The following DNAH9 variants were observed in gnomAD, a reference collection of about 807,000 sequenced individuals.
DNAH9 encodes DNAH9 variant protein.
Under a neutral mutation model 471.6 loss-of-function variants are expected in DNAH9, and 345 were observed. That is an observed-to-expected ratio of 0.73 (90% CI 0.67 to 0.80). The LOEUF (loss-of-function observed/expected upper bound fraction) is 0.80, where lower values mean the gene tolerates loss of function less well. Among genes scored for constraint, DNAH9 ranks in the 30% least tolerant of loss-of-function variants. DNAH9 has a pLI of 0.00. For synonymous variants in DNAH9, 2,093 were observed against 2,123.6 expected, an observed-to-expected ratio of 0.99 and a Z score of 0.40; for missense variants, 5,407 against 5,609.2, an observed-to-expected ratio of 0.96 and a Z score of 1.15.
intron 6 of DNAH9, 52 bp downstream of exon 6, chr17:11,619,833 C>A (rs143233188): frequency 2.8e-6 from 3 of 1,062,034 alleles, no homozygotes; most frequent in African/African-American, 1.6e-5. Flanking sequence ...AAGAAGCAGT[C>A]CAGGGGTCCA....
At chr17:11,789,776 TATATC>T (rs1307574548) in intron 41 of DNAH9, among the ~76,000 whole-genome samples, 1 of 152,040 alleles carries the variant, frequency 6.6e-6, no homozygotes, top group East Asian at 1.9e-4. Context: ...CATGGCTACT[TATATC>T]ATTAATTGTC....
rs1216589054 is a variant in DNAH9, at chr17:11,704,578, C to T, written c.5391+136C>T. On this transcript the variant is annotated intron_variant, in intron 25 of 68. Coordinates refer to ENST00000262442, the MANE Select transcript of DNAH9 (RefSeq NM_001372.4). ...CTGGGGGAGGATCACAGTGGCTGCTCCTACTTTTTTTTTTTTTTTTTTGAG... is the reference window on the plus strand; with the variant it reads ...CTGGGGGAGGATCACAGTGGCTGCTTCTACTTTTTTTTTTTTTTTTTTGAG... 12 of 746,046 alleles carry T rather than the reference C, an allele frequency of 1.6e-5. No individual in the cohort carries two copies. The African/African-American group carries it at 2.0e-4, about 12-fold the overall frequency. The allele number at this position is 746,046 out of a possible 1,614,324, so 46.2% of individuals were successfully genotyped here.
intron 15 of DNAH9, among the ~76,000 whole-genome samples, chr17:11,667,631 G>A (rs1398180837): frequency 3.3e-5 from 5 of 152,242 alleles, no homozygotes; most frequent in African/African-American, 1.2e-4. Flanking sequence ...AAAGGTGAGT[G>A]TTCCAGTCTT....
intron 9 of DNAH9, among the ~76,000 whole-genome samples, chr17:11,638,218 T>A (rs1271301741): frequency 6.6e-6 from 1 of 152,184 alleles, no homozygotes; most frequent in Non-Finnish European, 1.5e-5. Flanking sequence ...TTGCCTCCAC[T>A]TGGAAGTCAT....
chr17:11,671,433 C>T (rs2073970987), intron 17 of DNAH9, among the ~76,000 whole-genome samples: 1 of 152,102 alleles, frequency 6.6e-6, no homozygotes, highest in Admixed American at 6.6e-5. Context: ...CAGGCAGGAG[C>T]CTTTGTTGTG....
At chr17:11,615,498 T>C (rs752960091) in intron 4 of DNAH9, among the ~76,000 whole-genome samples, 1 of 151,514 alleles carries the variant, frequency 6.6e-6, no homozygotes, top group East Asian at 2.0e-4. Flanking sequence ...GGCAGGAGAA[T>C]AGACTAAACC....
chr17:11,938,407 C>G (rs1238733129), intron 66 of DNAH9, among the ~76,000 whole-genome samples: 1 of 147,862 alleles, frequency 6.8e-6, no homozygotes, highest in African/African-American at 2.5e-5. Context: ...TGCAGTGAGC[C>G]AAGACCGTGC....
At chr17:11,633,255 CATG>C (rs2073102060) in intron 8 of DNAH9, among the ~76,000 whole-genome samples, 1 of 152,144 alleles carries the variant, frequency 6.6e-6, no homozygotes, top group African/African-American at 2.4e-5. Context: ...CTCAGTGGAG[CATG>C]ATATGTGTTC....
intron 49 of DNAH9, among the ~76,000 whole-genome samples, chr17:11,838,127 T>G (rs1338082384): frequency 1.3e-5 from 2 of 152,214 alleles, no homozygotes; most frequent in African/African-American, 4.8e-5. Flanking sequence ...ATAACCATAA[T>G]GGGGAGAGGG....
At chr17:11,901,157 G>C (rs1190798354) in intron 59 of DNAH9, among the ~76,000 whole-genome samples, 1 of 152,158 alleles carries the variant, frequency 6.6e-6, no homozygotes, top group East Asian at 1.9e-4. Flanking sequence ...GGGTGTCTGT[G>C]CATGGGCAGG....
intron 43 of DNAH9, among the ~76,000 whole-genome samples, chr17:11,803,063 G>A (rs1329191694): frequency 6.6e-6 from 1 of 152,184 alleles, no homozygotes; most frequent in Non-Finnish European, 1.5e-5. Flanking sequence ...TGCTATCTAT[G>A]CAAAGTGCTT....
chr17:11,716,082 CTTTTTTTT>C (rs61643065), intron 26 of DNAH9, among the ~76,000 whole-genome samples: 1 of 132,470 alleles, frequency 7.5e-6, no homozygotes. Context: ...TTTTCTTTCT[CTTTTTTTT>C]TTTTTTTTTT....
chr17:11,825,783 C>T (rs930378040), intron 48 of DNAH9, among the ~76,000 whole-genome samples: 1 of 152,232 alleles, frequency 6.6e-6, no homozygotes, highest in Non-Finnish European at 1.5e-5. Context: ...GAACAAGCCA[C>T]ACCCAGTGTG....
At chr17:11,659,785 G>A (rs576240157) in intron 14 of DNAH9, among the ~76,000 whole-genome samples, 2 of 152,268 alleles carry the variant, frequency 1.3e-5, no homozygotes, top group South Asian at 2.1e-4. Context: ...CCCAGAGCTC[G>A]GGGCCTTCAC....
chr17:11,818,428 TAAAA>T (rs1555602557), intron 45 of DNAH9, among the ~76,000 whole-genome samples: 1 of 139,894 alleles, frequency 7.1e-6, no homozygotes, highest in Non-Finnish European at 1.6e-5. Context: ...ACTCCGTATT[TAAAA>T]AAAAAAAAAA....
At chr17:11,942,699 G>A (rs541630210) in intron 67 of DNAH9, among the ~76,000 whole-genome samples, 28 of 152,192 alleles carry the variant, frequency 1.8e-4, no homozygotes, top group African/African-American at 5.3e-4. Context: ...GACATTTCTC[G>A]TCAACAAGGA....
chr17:11,733,725 G>A (rs988644483), intron 28 of DNAH9, among the ~76,000 whole-genome samples: 1 of 152,018 alleles, frequency 6.6e-6, no homozygotes, highest in Non-Finnish European at 1.5e-5. Flanking sequence ...AGGCATGGTG[G>A]TGGGAGCCTG....
chr17:11,897,992 T>C (rs12709292), intron 59 of DNAH9, among the ~76,000 whole-genome samples: 95,553 of 151,340 alleles, frequency 0.63, 31,790 homozygotes, highest in Middle Eastern at 0.76. Flanking sequence ...CCTCCAGCTT[T>C]TGATAGCCCC....
chr17:11,762,770 G>GTTTGTTTGTTTTT lies in DNAH9; in HGVS notation c.6996-667_6996-666insGTTTGTTTTTTTT, dbSNP rs1193246497. On this transcript the variant is annotated intron_variant, in intron 35 of 68. Transcript: ENST00000262442. Reference sequence around the variant, plus strand: ...CCTCTTTAGGTGCGTTTTTTTTTTTGTTTTTTTTTTTTTTTTTTTTTTTTT... The same window carrying GTTTGTTTGTTTTT: ...CCTCTTTAGGTGCGTTTTTTTTTTTGTTTGTTTGTTTTTTTTTTTTTTTTTTTTTTTTTTTTTT... 5.5e-4 allele frequency among the ~76,000 whole-genome samples: 50 copies of GTTTGTTTGTTTTT among 90,784 alleles called. 2 individuals carry two copies. The highest frequency in any genetic ancestry group is 8.1e-4 in the Non-Finnish European group (37 of 45,768). 59.6% of individuals were successfully genotyped at this position (90,784 alleles called of 152,430 possible). A position where few individuals can be genotyped will look rare whatever the true frequency, so the allele number is the denominator to read the frequency against.
Sources: gnomAD v4.1 joint callset for allele counts (sites outside exome capture counted in the v4.1 genomes callset) on GRCh38, gnomAD v4.1.1 for gene constraint, MANE v1.5 for transcripts, NCBI Gene and HGNC (gene_info 2026-07-23, HGNC 2026-07-21) for gene names.